Variants in CD82 observed in about 807,000 individuals in gnomAD.
CD82 encodes the protein CD82 antigen.
CD82 carries 36 observed loss-of-function variants against 37.4 expected under a neutral mutation model. The ratio of observed to expected loss-of-function variants is 0.96; its 90% CI spans 0.74 to 1.27. The LOEUF is 1.27. CD82 is among the 50% of genes most tolerant of loss of function. The pLI is 0.00. For missense variants in CD82, 340 were observed against 347.0 expected, an observed-to-expected ratio of 0.98 and a Z score of 0.16; for synonymous variants, 158 against 137.4, an observed-to-expected ratio of 1.15 and a Z score of -1.05.
chr11:44,584,711 A>G (rs1459071628), intron 1 of CD82, among the ~76,000 whole-genome samples: 7 of 152,038 alleles, frequency 4.6e-5, no homozygotes, highest in African/African-American at 1.7e-4. Flanking sequence ...CAACAATAAG[A>G]GTAAGACCAG....
Position 44,619,180 on chromosome 11 carries a change from G to T in CD82, c.*54G>T. The T allele has an allele frequency of 7.0e-7, 1 of 1,428,522 alleles. No individual in the cohort carries two copies. Among genetic ancestry groups the T allele is most frequent in the East Asian group, 2.3e-5 (1 of 43,900 alleles). The allele number at this position is 1,428,522 out of a possible 1,614,324, so 88.5% of individuals were successfully genotyped here. A position where few individuals can be genotyped will look rare whatever the true frequency, so the allele number is the denominator to read the frequency against. ...GGCCCCCAACCTCAGGGCTCCCAGG[G>T]GTCTCCCTGGCTCCCTCCTCCAGGC... On this transcript the variant is annotated 3_prime_UTR_variant, in exon 10 of 10. Coordinates refer to ENST00000227155, the MANE Select transcript of CD82 (RefSeq NM_002231.4).
At chr11:44,579,784 G>GAT (rs1852954457) in intron 1 of CD82, among the ~76,000 whole-genome samples, 1 of 152,170 alleles carries the variant, frequency 6.6e-6, no homozygotes, top group Non-Finnish European at 1.5e-5. Flanking sequence ...GGCAGGCCCA[G>GAT]ATCTCCGCAG....
intron 1 of CD82, among the ~76,000 whole-genome samples, chr11:44,586,792 T>C (rs952270992): frequency 6.6e-6 from 1 of 152,258 alleles, no homozygotes; most frequent in Admixed American, 6.5e-5. Context: ...AAATCTTTCC[T>C]GATCTCTCTA....
At chr11:44,594,318 A>G (rs1853189162) in intron 2 of CD82, among the ~76,000 whole-genome samples, 1 of 152,104 alleles carries the variant, frequency 6.6e-6, no homozygotes, top group African/African-American at 2.4e-5. Context: ...AACAGAGTCC[A>G]TCTGTGCAAG....
rs1379441878 is a variant in CD82 at position 44,600,058 on chromosome 11, C to T, written c.64-100C>T. 42 of 1,173,462 alleles carry T rather than the reference C, an allele frequency of 3.6e-5. No homozygotes were observed. In the Admixed American group the frequency reaches 4.0e-4, roughly 11 times the overall value. 72.7% of individuals were successfully genotyped at this position (1,173,462 alleles called of 1,614,324 possible). A position where few individuals can be genotyped will look rare whatever the true frequency, so the allele number is the denominator to read the frequency against. On this transcript the variant is annotated intron_variant, in intron 3 of 9. Transcript: ENST00000227155. ...AGGGTGGATGTGGTGCCCTCTGTGG[C>T]CCCCTGCCCTGCCCACCCTGACTTG...
chr11:44,599,821 G>A (rs1485941223), intron 3 of CD82, among the ~76,000 whole-genome samples: 2 of 152,250 alleles, frequency 1.3e-5, no homozygotes, highest in African/African-American at 4.8e-5. Context: ...GCCCTGAACT[G>A]GGTGGAGTCG....
intron 1 of CD82, among the ~76,000 whole-genome samples, chr11:44,568,608 G>T (rs774434546): frequency 6.6e-6 from 1 of 152,184 alleles, no homozygotes. Flanking sequence ...TCAGCCATGT[G>T]CTATCTCTGG....
chr11:44,615,994 A>G (rs769686768), intron 7 of CD82, among the ~76,000 whole-genome samples: 4 of 152,180 alleles, frequency 2.6e-5, no homozygotes, highest in African/African-American at 4.8e-5. Flanking sequence ...GCCTGTCTCA[A>G]TAGTGATCCA....
intron 1 of CD82, among the ~76,000 whole-genome samples, chr11:44,578,084 A>G (rs1452470920): frequency 6.6e-6 from 1 of 152,212 alleles, no homozygotes; most frequent in African/African-American, 2.4e-5. Context: ...ATCGGCAAAC[A>G]GGAGACCAGG....
intron 2 of CD82, among the ~76,000 whole-genome samples, chr11:44,590,232 G>GT (rs397970840): frequency 6.6e-6 from 1 of 151,424 alleles, no homozygotes; most frequent in Non-Finnish European, 1.5e-5. Flanking sequence ...AGACCAGTAG[G>GT]CATGGCTGTG....
intron 2 of CD82, among the ~76,000 whole-genome samples, chr11:44,594,293 G>A (rs1006229502): frequency 2.0e-5 from 3 of 152,022 alleles, no homozygotes; most frequent in East Asian, 1.9e-4. Context: ...CTAACTTCCC[G>A]GCCCCCTGAC....
rs1035375157 is a variant in CD82, at chr11:44,586,010, C to G, written c.-102-1465C>G. Among the ~76,000 whole-genome samples, 6 of 152,198 alleles carry G rather than the reference C, an allele frequency of 3.9e-5. No individual in the cohort carries two copies. In the South Asian group the frequency reaches 1.2e-3, roughly 32 times the overall value. ...TGCCAGAGTGCCAGGCAGATTCTCCCTGGCCAGGCGCTGCTGTACCAGAAA... is the reference window on the plus strand; with the variant it reads ...TGCCAGAGTGCCAGGCAGATTCTCCGTGGCCAGGCGCTGCTGTACCAGAAA... On this transcript the variant is annotated intron_variant, in intron 1 of 9. Transcript: ENST00000227155.
chr11:44,618,536 T>C (rs1386954526), intron 8 of CD82, 104 bp from the exon 9 acceptor site: 8 of 1,129,622 alleles, frequency 7.1e-6, no homozygotes, highest in Non-Finnish European at 1.1e-5. Context: ...GGCAGAGCCC[T>C]CTGTAGGGGC....
chr11:44,619,259 G>A lies in CD82; in HGVS notation c.*133G>A, dbSNP rs371456705. 2.7e-5 allele frequency: 19 copies of A among 703,736 alleles called. No homozygotes were observed. The highest frequency in any genetic ancestry group is 1.0e-4 in the African/African-American group (6 of 57,432). 43.6% of individuals were successfully genotyped at this position (703,736 alleles called of 1,614,324 possible). On this transcript the variant is annotated 3_prime_UTR_variant, in exon 10 of 10. Coordinates refer to ENST00000227155, the MANE Select transcript of CD82 (RefSeq NM_002231.4). ...CTTGCCCATCCTGACTGAAAGTAGG[G>A]GGCTTTCTGGGGCCTAGCGATCTCT...
intron 1 of CD82, 186 bp downstream of exon 1, chr11:44,565,922 T>C (rs937363072): frequency 7.9e-5 from 12 of 152,282 alleles, no homozygotes; most frequent in Non-Finnish European, 1.6e-4. Context: ...CACTCGGCCG[T>C]GCACAGCTGC....
chr11:44,619,263 T>C lies in CD82; in HGVS notation c.*137T>C. ...CCCATCCTGACTGAAAGTAGGGGGC[T>C]TTCTGGGGCCTAGCGATCTCTCCTG... is the stretch of plus-strand genomic sequence containing the variant. On this transcript the variant is annotated 3_prime_UTR_variant, in exon 10 of 10. Coordinates refer to ENST00000227155, the MANE Select transcript of CD82 (RefSeq NM_002231.4). The C allele has an allele frequency of 8.5e-6, 6 of 704,132 alleles. No individual in the cohort carries two copies. In the South Asian group the frequency reaches 9.6e-5, roughly 11 times the overall value. The allele number at this position is 704,132 out of a possible 1,614,324, so 43.6% of individuals were successfully genotyped here.
chr11:44,591,297 C>T (rs1853142253), intron 2 of CD82, among the ~76,000 whole-genome samples: 1 of 152,204 alleles, frequency 6.6e-6, no homozygotes, highest in Admixed American at 6.5e-5. Context: ...GGGCAGGCTC[C>T]TTCTCCCCTC....
chr11:44,578,959 G>A (rs1007728551), intron 1 of CD82, among the ~76,000 whole-genome samples: 2 of 152,126 alleles, frequency 1.3e-5, no homozygotes, highest in Non-Finnish European at 2.9e-5. Flanking sequence ...GATTGGATGG[G>A]GCTGTTTGGG....
At chr11:44,567,455 G>A (rs1329075726) in intron 1 of CD82, among the ~76,000 whole-genome samples, 1 of 151,006 alleles carries the variant, frequency 6.6e-6, no homozygotes, top group African/African-American at 2.4e-5. Flanking sequence ...GGGGGTGGGG[G>A]TAAGGAGGCT....
Sources: allele counts gnomAD v4.1 joint callset (sites outside exome capture counted in the v4.1 genomes callset), GRCh38; gene constraint gnomAD v4.1.1; transcripts MANE v1.5; gene names NCBI Gene and HGNC (gene_info 2026-07-23, HGNC 2026-07-21).